KCNH8: variants seen among roughly 807,000 people sequenced by gnomAD.
KCNH8 encodes potassium voltage-gated channel subfamily H member 8.
A neutral mutation model predicts 103.6 loss-of-function variants in KCNH8; 70 were observed. The observed-to-expected ratio is 0.68, with a 90% confidence interval of 0.56 to 0.82. KCNH8 has a LOEUF of 0.82. Ranked by LOEUF, KCNH8 falls within the 40% of genes least tolerant of loss-of-function variation. The pLI is 0.00. For missense variants in KCNH8, 1,217 were observed against 1,329.9 expected (o/e 0.92, Z 1.32); for synonymous variants, 498 against 489.4 (o/e 1.02, Z -0.23).
At chr3:19,469,400 C>T (rs1034073901) in intron 11 of KCNH8, among the ~76,000 whole-genome samples, 5 of 152,076 alleles carry the variant, frequency 3.3e-5, no homozygotes, top group African/African-American at 1.2e-4. Flanking sequence ...GGGAATTGTA[C>T]TTGGATCCAG....
intron 11 of KCNH8, among the ~76,000 whole-genome samples, chr3:19,494,085 T>C (rs1040887562): frequency 6.6e-6 from 1 of 152,214 alleles, no homozygotes; most frequent in Non-Finnish European, 1.5e-5. Flanking sequence ...AGTGAGAACA[T>C]GCAGTATGTG....
intron 1 of KCNH8, among the ~76,000 whole-genome samples, chr3:19,170,372 G>A (rs999963343): frequency 2.0e-5 from 3 of 151,826 alleles, no homozygotes; most frequent in Non-Finnish European, 4.4e-5. Flanking sequence ...TCAACTGAAT[G>A]TTCATTGCAC....
chr3:19,245,820 T>C (rs2064197420), intron 1 of KCNH8, among the ~76,000 whole-genome samples: 1 of 152,228 alleles, frequency 6.6e-6, no homozygotes. Context: ...AAAGTGTTTA[T>C]CAGTTCTAGC....
At chr3:19,509,901 A>G (rs1479765843) in intron 11 of KCNH8, among the ~76,000 whole-genome samples, 1 of 152,206 alleles carries the variant, frequency 6.6e-6, no homozygotes, top group African/African-American at 2.4e-5. Context: ...TAAATAAGAA[A>G]TGATTTCATA....
chr3:19,150,396 T>G (rs1324733867), intron 1 of KCNH8, among the ~76,000 whole-genome samples: 1 of 152,172 alleles, frequency 6.6e-6, no homozygotes, highest in Non-Finnish European at 1.5e-5. Flanking sequence ...GCTGTAAACA[T>G]TGATCCTGAA....
chr3:19,161,609 G>T (rs150316278), intron 1 of KCNH8, among the ~76,000 whole-genome samples: 1 of 152,084 alleles, frequency 6.6e-6, no homozygotes, highest in Non-Finnish European at 1.5e-5. Context: ...TTCAAAGTTC[G>T]TTCTGTAGGT....
chr3:19,295,486 A>G (rs1002807982), intron 3 of KCNH8, among the ~76,000 whole-genome samples: 1 of 152,226 alleles, frequency 6.6e-6, no homozygotes, highest in Non-Finnish European at 1.5e-5. Context: ...ATGGATATAC[A>G]TTCTTGATGA....
At chr3:19,179,714 A>G (rs2063433085) in intron 1 of KCNH8, among the ~76,000 whole-genome samples, 1 of 152,186 alleles carries the variant, frequency 6.6e-6, no homozygotes, top group Non-Finnish European at 1.5e-5. Context: ...GGGAAACAGG[A>G]TATTAATGCT....
intron 3 of KCNH8, among the ~76,000 whole-genome samples, chr3:19,295,734 A>T (rs1216584390): frequency 6.6e-6 from 1 of 152,116 alleles, no homozygotes; most frequent in Non-Finnish European, 1.5e-5. Context: ...TGGTGTGGCT[A>T]GTGTGGAGCT....
intron 3 of KCNH8, among the ~76,000 whole-genome samples, chr3:19,320,051 T>G (rs1351492965): frequency 1.3e-5 from 2 of 151,726 alleles, no homozygotes; most frequent in Non-Finnish European, 2.9e-5. Flanking sequence ...GTTCTGGGAG[T>G]TTTTTGGATG....
At chr3:19,322,123 C>T (rs1171516314) in intron 3 of KCNH8, among the ~76,000 whole-genome samples, 1 of 152,082 alleles carries the variant, frequency 6.6e-6, no homozygotes, top group Non-Finnish European at 1.5e-5. Flanking sequence ...ATACATAGTT[C>T]ATGAATTCTT....
Position 19,335,825 on chromosome 3 carries a change from T to C in KCNH8, c.443-6762T>C, listed in dbSNP as rs2065577208. 2.0e-5 allele frequency among the ~76,000 whole-genome samples: 3 copies of C among 151,870 alleles called. No homozygotes were observed. In the South Asian group the frequency reaches 6.2e-4, roughly 31 times the overall value. On this transcript the variant is annotated intron_variant, in intron 3 of 15. Transcript: ENST00000328405. ...TAAAAATAGAACTATGAAAATACAA[T>C]TTTCTACAAAGTAATTTTATAATTT...
chr3:19,472,397 C>T (rs2067881231), intron 11 of KCNH8, among the ~76,000 whole-genome samples: 1 of 152,028 alleles, frequency 6.6e-6, no homozygotes, highest in Non-Finnish European at 1.5e-5. Flanking sequence ...GTGGGAGGGA[C>T]CAAGTGGGAG....
intron 3 of KCNH8, among the ~76,000 whole-genome samples, chr3:19,308,767 TCCCTCC>T (rs1559470248): frequency 2.5e-5 from 2 of 80,524 alleles, no homozygotes; most frequent in Non-Finnish European, 4.6e-5. Flanking sequence ...TCTCCCTCTC[TCCCTCC>T]CTCTCTCTCT....
At chr3:19,359,336 G>A (rs2065918981) in intron 5 of KCNH8, among the ~76,000 whole-genome samples, 1 of 151,218 alleles carries the variant, frequency 6.6e-6, no homozygotes, top group Admixed American at 6.6e-5. Context: ...ATAAATATAT[G>A]TACTTATATA....
intron 11 of KCNH8, among the ~76,000 whole-genome samples, chr3:19,458,885 T>A (rs2067576726): frequency 6.6e-6 from 1 of 152,034 alleles, no homozygotes; most frequent in South Asian, 2.1e-4. Flanking sequence ...TCACTAAGCA[T>A]AATGACCTCC....
intron 11 of KCNH8, among the ~76,000 whole-genome samples, chr3:19,498,724 G>A (rs1354600680): frequency 6.6e-6 from 1 of 152,034 alleles, no homozygotes; most frequent in South Asian, 2.1e-4. Flanking sequence ...TCTACTTTTG[G>A]TCTTTGATGA....
chr3:19,487,591 T>G (rs1003023545), intron 11 of KCNH8, among the ~76,000 whole-genome samples: 1 of 152,160 alleles, frequency 6.6e-6, no homozygotes, highest in Non-Finnish European at 1.5e-5. Flanking sequence ...GGTGCTTGAT[T>G]GACTGCCAGT....
intron 1 of KCNH8, among the ~76,000 whole-genome samples, chr3:19,169,354 G>A (rs1307526817): frequency 1.3e-5 from 2 of 151,146 alleles, no homozygotes; most frequent in African/African-American, 4.9e-5. Context: ...CGCCTCCCGG[G>A]TTCACGCCAT....
Sources: gnomAD v4.1 joint callset for allele counts (sites outside exome capture counted in the v4.1 genomes callset) on GRCh38, gnomAD v4.1.1 for gene constraint, MANE v1.5 for transcripts, NCBI Gene and HGNC (gene_info 2026-07-23, HGNC 2026-07-21) for gene names.